Variants in BCR observed in about 807,000 individuals in gnomAD.
BCR encodes the protein breakpoint cluster region protein.
A neutral mutation model predicts 138.6 loss-of-function variants in BCR; 58 were observed. The observed-to-expected ratio is 0.42, with a 90% CI of 0.34 to 0.52. BCR has a LOEUF of 0.52. Among genes scored for constraint, BCR ranks in the 20% least tolerant of loss-of-function variants. The probability of loss-of-function intolerance (pLI) is 0.06; values close to 1 mark genes in which losing one functional copy is unlikely to be tolerated. For synonymous variants in BCR, 786 were observed against 730.1 expected (o/e 1.08, Z -1.23); for missense variants, 1,599 against 1,727.2 (o/e 0.93, Z 1.32).
At chr22:23,233,556 G>C (rs1404027289) in intron 1 of BCR, among the ~76,000 whole-genome samples, 1 of 152,188 alleles carries the variant, frequency 6.6e-6, no homozygotes, top group Non-Finnish European at 1.5e-5. Context: ...GAGAGGCTGA[G>C]GCAAATGAAT....
intron 4 of BCR, chr22:23,263,134 C>T (rs1268378997): frequency 1.4e-5 from 10 of 715,008 alleles, no homozygotes; most frequent in Middle Eastern, 3.8e-4. Flanking sequence ...ACAGGGGCGG[C>T]CATGGCGGCG....
Position 23,258,053 on chromosome 22 carries a change from A to G in BCR, c.1462-2897A>G, listed in dbSNP as rs191185811. Among the ~76,000 whole-genome samples, 943 of 152,068 alleles carry G rather than the reference A, an allele frequency of 6.2e-3. 7 individuals are homozygous for G. Among genetic ancestry groups the G allele is most frequent in the Non-Finnish European group, 8.7e-3 (588 of 67,962 alleles). On this transcript the variant is annotated intron_variant, in intron 2 of 22. Coordinates refer to ENST00000305877, the MANE Select transcript of BCR (RefSeq NM_004327.4). Reference sequence around the variant, plus strand: ...TCACTGCCTACCCTGCCCTGGGGGGACAGGTGTGCATGGAACCTGCGTGTC... The same window carrying G: ...TCACTGCCTACCCTGCCCTGGGGGGGCAGGTGTGCATGGAACCTGCGTGTC...
chr22:23,288,845 G>A (rs1412842209), intron 12 of BCR, among the ~76,000 whole-genome samples: 1 of 152,168 alleles, frequency 6.6e-6, no homozygotes, highest in Non-Finnish European at 1.5e-5. Context: ...GGCAGACCCG[G>A]TTCCCTCCTT....
At chr22:23,263,331 C>A in intron 4 of BCR, 1 of 1,191,334 alleles carries the variant, frequency 8.4e-7, no homozygotes, top group Admixed American at 1.8e-5. Flanking sequence ...CGACCTGCTC[C>A]GGCGCCAGAT....
chr22:23,262,704 TGAGGGCGGGCCCGGGTGAGGGC>T, intron 4 of BCR: 2 of 180,802 alleles, frequency 1.1e-5, no homozygotes, highest in Non-Finnish European at 1.5e-5. Context: ...CGGGCCCGGG[TGAGGGCGGGCCCGGGTGAGGGC>T]GGGGGCGGAG....
chr22:23,263,222 GC>G, intron 4 of BCR: 1 of 984,412 alleles, frequency 1.0e-6, no homozygotes, highest in Non-Finnish European at 1.5e-6. Context: ...TCTGGCGCCT[GC>G]CGGAAGTGCT....
chr22:23,185,751 C>T (rs1268827388), intron 1 of BCR, among the ~76,000 whole-genome samples: 1 of 149,022 alleles, frequency 6.7e-6, no homozygotes, highest in Non-Finnish European at 1.5e-5. Context: ...TTTTTTGAGG[C>T]GGAGCCTCGC....
chr22:23,260,928 C>T lies in BCR; in HGVS notation c.1462-22C>T, dbSNP rs2014228073. 1.9e-6 allele frequency: 3 copies of T among 1,609,402 alleles called. No individual in the cohort carries two copies. In the African/African-American group the frequency reaches 4.0e-5, roughly 22 times the overall value. On this transcript the variant is annotated intron_variant, in intron 2 of 22. Coordinates refer to ENST00000305877, the MANE Select transcript of BCR (RefSeq NM_004327.4). ...TCCCCCTACCACCCTTCCAGGCTGA[C>T]TTCTGTCTATTTCTCCTGCAGAGTG... is the stretch of plus-strand genomic sequence containing the variant.
intron 1 of BCR, among the ~76,000 whole-genome samples, chr22:23,209,274 C>T (rs759176686): frequency 3.3e-5 from 5 of 151,878 alleles, no homozygotes; most frequent in East Asian, 2.0e-4. Context: ...GCAGGAGAAT[C>T]GCTTGAGCCC....
chr22:23,239,932 C>T (rs1368780553), intron 1 of BCR, among the ~76,000 whole-genome samples: 1 of 152,140 alleles, frequency 6.6e-6, no homozygotes, highest in Non-Finnish European at 1.5e-5. Context: ...GATCCTCCCA[C>T]CTCAGCCTCC....
chr22:23,283,932 A>T (rs751529304), intron 8 of BCR, 45 bp from the exon 9 acceptor site: 4 of 1,529,062 alleles, frequency 2.6e-6, no homozygotes, highest in Non-Finnish European at 3.5e-6. Context: ...CCCCCCACCC[A>T]TCACCCCAGG....
chr22:23,301,320 A>G (rs1429058267), intron 16 of BCR, among the ~76,000 whole-genome samples: 1 of 152,032 alleles, frequency 6.6e-6, no homozygotes, highest in Admixed American at 6.5e-5. Context: ...GACAGAAAAA[A>G]CCTGAAGAAA....
At chr22:23,238,068 G>A (rs534287383) in intron 1 of BCR, among the ~76,000 whole-genome samples, 1 of 151,970 alleles carries the variant, frequency 6.6e-6, no homozygotes, top group East Asian at 1.9e-4. Context: ...TGGGTGGAGA[G>A]TGTCATTATC....
chr22:23,260,797 G>C, intron 2 of BCR, 153 bp from the exon 3 acceptor site: 1 of 715,072 alleles, frequency 1.4e-6, no homozygotes, highest in South Asian at 1.5e-5. Flanking sequence ...ATGTGCGGAG[G>C]GTCCCCTGCC....
At chr22:23,262,451 C>T (rs1055328810) in intron 4 of BCR, among the ~76,000 whole-genome samples, 5 of 152,238 alleles carry the variant, frequency 3.3e-5, no homozygotes, top group African/African-American at 1.2e-4. Flanking sequence ...ACAGAAGGCA[C>T]TTAATTTGTT....
At chr22:23,236,874 T>C (rs1345808024) in intron 1 of BCR, among the ~76,000 whole-genome samples, 2 of 152,010 alleles carry the variant, frequency 1.3e-5, no homozygotes, top group Non-Finnish European at 2.9e-5. Flanking sequence ...GTGTCTTGAA[T>C]AGTACCCGAG....
At chr22:23,250,172 A>T (rs1444676838) in intron 1 of BCR, among the ~76,000 whole-genome samples, 1 of 152,202 alleles carries the variant, frequency 6.6e-6, no homozygotes, top group Non-Finnish European at 1.5e-5. Flanking sequence ...TGGGACCCCG[A>T]ATCTGACCCC....
rs758602402 is a variant in BCR, at chr22:23,274,907, C to CAAA, written c.2115+1155_2115+1157dup. 7.2e-3 allele frequency among the ~76,000 whole-genome samples: 602 copies of CAAA among 83,878 alleles called. 18 individuals are homozygous for CAAA. The highest frequency in any genetic ancestry group is 0.054 in the Admixed American group (417 of 7,672). The allele number at this position is 83,878 out of a possible 152,430, so 55.0% of individuals were successfully genotyped here. On this transcript the variant is annotated intron_variant, in intron 8 of 22. Coordinates refer to ENST00000305877, the MANE Select transcript of BCR (RefSeq NM_004327.4). ...TGGGTGACAGAGTGAAACTCCATCT[C>CAAA]AAAAAAAAAAAAAAAAAAAAAAAAG...
chr22:23,264,262 G>T (rs1467030630), intron 4 of BCR: 1 of 929,082 alleles, frequency 1.1e-6, no homozygotes, highest in East Asian at 2.4e-5. Flanking sequence ...ACGTCGACCC[G>T]CCTCGGCAGC....
Sources: gnomAD v4.1 joint callset for allele counts (sites outside exome capture counted in the v4.1 genomes callset) on GRCh38, gnomAD v4.1.1 for gene constraint, MANE v1.5 for transcripts, NCBI Gene and HGNC (gene_info 2026-07-23, HGNC 2026-07-21) for gene names.